The following DPP6 variants were observed in gnomAD, a reference collection of about 807,000 sequenced individuals.
The protein encoded by DPP6 is dipeptidyl peptidase like 6, also known as A-type potassium channel modulatory protein DPP6.
A neutral mutation model predicts 122.6 loss-of-function variants in DPP6; 69 were observed. The observed-to-expected ratio is 0.56, with a 90% CI of 0.46 to 0.69. The LOEUF is 0.69. Ranked by LOEUF, DPP6 falls within the 30% of genes least tolerant of loss-of-function variation. DPP6 has a pLI of 0.00. For synonymous variants in DPP6, 418 were observed against 433.1 expected, an observed-to-expected ratio of 0.97 and a Z score of 0.43; for missense variants, 928 against 1,116.9, an observed-to-expected ratio of 0.83 and a Z score of 2.41.
At chr7:154,294,624 CT>C (rs753508564) in intron 1 of DPP6, among the ~76,000 whole-genome samples, 6 of 152,296 alleles carry the variant, frequency 3.9e-5, no homozygotes, top group Admixed American at 3.9e-4. Flanking sequence ...GCATGAAAAT[CT>C]TTCCTGACTC....
At chr7:153,758,758 GTATC>G in the DPP6 span, among the ~76,000 whole-genome samples, 1 of 150,778 alleles carries the variant, frequency 6.6e-6, no homozygotes, top group Non-Finnish European at 1.5e-5. Context: ...CATGGTTTGT[GTATC>G]TATTCACATG....
intron 1 of DPP6, among the ~76,000 whole-genome samples, chr7:154,069,537 G>T (rs991949814): frequency 7.3e-5 from 11 of 151,716 alleles, no homozygotes; most frequent in Non-Finnish European, 1.3e-4. Context: ...ATTAAGCACA[G>T]TATTTTGTTT....
At chr7:154,845,998 T>C (rs1252995551) in intron 16 of DPP6, among the ~76,000 whole-genome samples, 2 of 151,462 alleles carry the variant, frequency 1.3e-5, no homozygotes, top group Non-Finnish European at 2.9e-5. Flanking sequence ...GACATGGCCA[T>C]GTGGCCTGCA....
chr7:153,928,963 A>C (rs759901860), intron 1 of DPP6, among the ~76,000 whole-genome samples: 13 of 152,124 alleles, frequency 8.5e-5, no homozygotes, highest in Middle Eastern at 3.2e-3. Context: ...CGGAATAAAC[A>C]TGGGAGATCT....
intron 1 of DPP6, among the ~76,000 whole-genome samples, chr7:154,288,599 T>A (rs1805004867): frequency 6.6e-6 from 1 of 152,234 alleles, no homozygotes; most frequent in African/African-American, 2.4e-5. Context: ...AAGCATTTTT[T>A]AAAATAAGCT....
chr7:154,031,475 G>C (rs889130267), intron 1 of DPP6, among the ~76,000 whole-genome samples: 6 of 151,834 alleles, frequency 4.0e-5, no homozygotes, highest in African/African-American at 1.5e-4. Context: ...AGTAGTTTTG[G>C]CATTACCTGT....
intron 1 of DPP6, among the ~76,000 whole-genome samples, chr7:154,207,034 A>G (rs186924681): frequency 1.5e-4 from 23 of 152,378 alleles, no homozygotes; most frequent in East Asian, 1.4e-3. Context: ...GGCCCCTTAC[A>G]TAGCTGGAGA....
intron 16 of DPP6, among the ~76,000 whole-genome samples, chr7:154,846,958 A>C: frequency 6.6e-6 from 1 of 151,964 alleles, no homozygotes; most frequent in Admixed American, 6.6e-5. Context: ...CCATGTGAGT[A>C]ACTGCGTTTT....
chr7:154,778,565 A>C (rs111227212), intron 10 of DPP6, among the ~76,000 whole-genome samples: 1,451 of 139,494 alleles, frequency 0.01, 33 homozygotes, highest in African/African-American at 0.042. Context: ...ACCCCCCCCC[A>C]AAAAAAACCA....
chr7:154,467,723 C>G (rs1030685424), intron 2 of DPP6, among the ~76,000 whole-genome samples: 32 of 152,200 alleles, frequency 2.1e-4, no homozygotes, highest in Admixed American at 1.0e-3. Flanking sequence ...AATGTTTCTA[C>G]AGATATAAAT....
intron 6 of DPP6, among the ~76,000 whole-genome samples, chr7:154,654,026 C>T (rs1210420324): frequency 6.6e-6 from 1 of 151,956 alleles, no homozygotes; most frequent in Non-Finnish European, 1.5e-5. Context: ...TACAGACTTT[C>T]TTCCTTGTCA....
intron 1 of DPP6, among the ~76,000 whole-genome samples, chr7:154,362,517 C>T (rs1194107839): frequency 4.6e-5 from 7 of 151,870 alleles, no homozygotes; most frequent in Admixed American, 1.3e-4. Context: ...TGGGTTCAAG[C>T]GATTCTCCTG....
intron 1 of DPP6, among the ~76,000 whole-genome samples, chr7:153,949,875 G>A (rs944171184): frequency 2.6e-5 from 4 of 152,170 alleles, no homozygotes; most frequent in Non-Finnish European, 4.4e-5. Flanking sequence ...TAAACTAAGC[G>A]CCCCTTGAAA....
In DPP6 at chr7:154,574,406, G is replaced by GTATGTGTGGTGGGTA. The variant is rs1376793685; in HGVS notation, c.627+7501_627+7502insGGTATATGTGTGGTG. Among the ~76,000 whole-genome samples, 142 of 146,928 alleles carry GTATGTGTGGTGGGTA rather than the reference G, an allele frequency of 9.7e-4. 1 individual carries two copies. Among genetic ancestry groups the GTATGTGTGGTGGGTA allele is most frequent in the African/African-American group, 3.6e-3 (139 of 39,130 alleles). On this transcript the variant is annotated intron_variant, in intron 5 of 25. Coordinates refer to ENST00000377770, the MANE Select transcript of DPP6 (RefSeq NM_130797.4). ...TGGTGTGTGTATGTGTGTGGTGTGTGTATGTGTGGTGTGTATATGTGTGGT... is the reference window on the plus strand; with the variant it reads ...TGGTGTGTGTATGTGTGTGGTGTGTGTATGTGTGGTGGGTATATGTGTGGTGTGTATATGTGTGGT...
rs1798357839 is a variant in DPP6, at chr7:154,801,404, G to C, written c.1349G>C (p.Arg450Thr). The C allele has an allele frequency of 6.3e-7, 1 of 1,597,780 alleles. No individual in the cohort carries two copies. The highest frequency in any genetic ancestry group is 8.5e-7 in the Non-Finnish European group (1 of 1,171,610). ...GATGGCCGAAAGTTTTTCTTCATCA[G>C]AGCCATCCCCCAGGGAGGACGAGGG... Reference protein sequence around the residue: ...SKDGRKFFFIRAIPQGGRGKF... With the variant: ...SKDGRKFFFITAIPQGGRGKF... The change falls in exon 13 of 26, where the codon AGA becomes ACA. Residue 450 changes from arginine to threonine, a missense_variant. Physicochemically the swap from Arg to Thr is moderately conservative, Grantham distance 71. Coordinates refer to ENST00000377770, the MANE Select transcript of DPP6 (RefSeq NM_130797.4).
chr7:153,910,374 C>T (rs193289099), intron 1 of DPP6, among the ~76,000 whole-genome samples: 162 of 152,114 alleles, frequency 1.1e-3, no homozygotes, highest in African/African-American at 3.9e-3. Context: ...GGACTATAGG[C>T]ACGAGCCCAC....
rs1222901298 is a variant in DPP6 at position 154,483,996 on chromosome 7, G to T, written c.457+8959G>T. ...ATGTGAGCCACCACGCCCGGCCCAGGTTAAATTTTATTTATGTTTGCAATT... is the reference window on the plus strand; with the variant it reads ...ATGTGAGCCACCACGCCCGGCCCAGTTTAAATTTTATTTATGTTTGCAATT... On this transcript the variant is annotated intron_variant, in intron 3 of 25. Transcript: ENST00000377770. This position sits in a 1 kb window ranked among gnomAD's most constrained non-coding sequence, Gnocchi z 8.1. 6.6e-6 allele frequency among the ~76,000 whole-genome samples: 1 copy of T among 152,068 alleles called. No individual in the cohort carries two copies. Among genetic ancestry groups the T allele is most frequent in the Non-Finnish European group, 1.5e-5 (1 of 68,006 alleles).
intron 1 of DPP6, among the ~76,000 whole-genome samples, chr7:154,139,196 G>A (rs1017936824): frequency 1.3e-5 from 2 of 150,246 alleles, no homozygotes; most frequent in African/African-American, 4.9e-5. Context: ...CAGGCCATCT[G>A]CAAGCTATAG....
At chr7:153,802,970 C>CGGCA in the DPP6 span, among the ~76,000 whole-genome samples, 1 of 151,672 alleles carries the variant, frequency 6.6e-6, no homozygotes, top group South Asian at 2.1e-4. Flanking sequence ...ATGCTCAGCC[C>CGGCA]GGCAGGCAGG....
Sources: allele counts gnomAD v4.1 joint callset (sites outside exome capture counted in the v4.1 genomes callset), GRCh38; gene constraint gnomAD v4.1.1; non-coding constraint Gnocchi (gnomAD v3.1); transcripts MANE v1.5; gene names NCBI Gene and HGNC (gene_info 2026-07-23, HGNC 2026-07-21).